Variants in NLRP13 observed in about 807,000 individuals in gnomAD.
The protein encoded by NLRP13 is NLR family pyrin domain containing 13.
A neutral mutation model predicts 94.4 loss-of-function variants in NLRP13; 82 were observed. The ratio of observed to expected loss-of-function variants is 0.87; its 90% CI spans 0.73 to 1.04. NLRP13 has a LOEUF of 1.04. Among genes scored for constraint, NLRP13 ranks in the 50% least tolerant of loss-of-function variants. The pLI is 0.00. For missense variants in NLRP13, 1,426 were observed against 1,230.8 expected, an observed-to-expected ratio of 1.16 and a Z score of -2.37; for synonymous variants, 553 against 464.7, an observed-to-expected ratio of 1.19 and a Z score of -2.45.
Position 55,922,605 on chromosome 19 carries a change from C to T in NLRP13, c.523+1309G>A, listed in dbSNP as rs138412590. ...CCTCCCCAAGTGCTGGGATTACCGG[C>T]GTGAGCCATCATGCCCAGCAGAGTT... is the stretch of plus-strand genomic sequence containing the variant. On this transcript the variant is annotated intron_variant, in intron 4 of 10. Transcript: ENST00000342929. 5.9e-4 allele frequency among the ~76,000 whole-genome samples: 90 copies of T among 152,292 alleles called. No homozygotes were observed. In the East Asian group the frequency reaches 0.015, roughly 25 times the overall value.
Position 55,912,516 on chromosome 19 carries a change from C to T in NLRP13, c.1301G>A (p.Cys434Tyr), listed in dbSNP as rs1423254500. 1 of 1,614,176 alleles carries T rather than the reference C, an allele frequency of 6.2e-7. No homozygotes were observed. The highest frequency in any genetic ancestry group is 1.7e-5 in the Admixed American group (1 of 60,020). The change falls in exon 5 of 11, where the codon TGT (cysteine) becomes TAT (tyrosine). Residue 434 changes from cysteine to tyrosine, a missense_variant. Coordinates refer to ENST00000342929, the MANE Select transcript of NLRP13 (RefSeq NM_176810.2). The part of the protein sequence containing the change: ...APMVCWTVCS[C>Y]LKQPKVRYYD... ...ATACCTCACCTTCGGCTGCTTCAGA[C>T]AGGAACATACGGTCCAACACACCAT...
intron 4 of NLRP13, among the ~76,000 whole-genome samples, chr19:55,915,816 T>A (rs1010498383): frequency 1.3e-5 from 2 of 151,992 alleles, no homozygotes; most frequent in Admixed American, 1.3e-4. Context: ...CAAGCTCCTA[T>A]GCATTTCACA....
At chr19:55,928,760 A>T (rs1345192048) in intron 1 of NLRP13, among the ~76,000 whole-genome samples, 1 of 152,132 alleles carries the variant, frequency 6.6e-6, no homozygotes, top group Non-Finnish European at 1.5e-5. Flanking sequence ...CACCAAAAGC[A>T]TGGCAACAAA....
intron 6 of NLRP13, 150 bp downstream of exon 6, chr19:55,910,413 T>C: frequency 1.5e-6 from 1 of 658,656 alleles, no homozygotes; most frequent in South Asian, 4.5e-5. Flanking sequence ...TTTGCCCAAG[T>C]AGCAGTTTCA....
At chr19:55,919,113 AC>A (rs1986746520) in intron 4 of NLRP13, among the ~76,000 whole-genome samples, 1 of 152,202 alleles carries the variant, frequency 6.6e-6, no homozygotes, top group Non-Finnish European at 1.5e-5. Flanking sequence ...AGAATTAAAA[AC>A]AAAAACTATA....
In NLRP13 at chr19:55,901,934, T is replaced by C. The variant is rs571461505; in HGVS notation, c.2789+101A>G. ...AAGCTCCTCCATGGCAAAGAGCTTG[T>C]CCACGCCTCATTCAAACCCCATCAG... On this transcript the variant is annotated intron_variant, in intron 9 of 10. Transcript: ENST00000342929. 2.6e-5 allele frequency: 32 copies of C among 1,248,676 alleles called. No homozygotes were observed. In the Admixed American group the frequency reaches 5.7e-4, roughly 22 times the overall value. The allele number at this position is 1,248,676 out of a possible 1,614,324, so 77.3% of individuals were successfully genotyped here. A position where few individuals can be genotyped will look rare whatever the true frequency, so the allele number is the denominator to read the frequency against.
chr19:55,893,088 T>G (rs763479727), downstream of NLRP13, among the ~76,000 whole-genome samples: 3 of 152,184 alleles, frequency 2.0e-5, no homozygotes, highest in Non-Finnish European at 4.4e-5. Flanking sequence ...TTGCCATTTT[T>G]GCCATTAAAA....
At position 55,910,650 on chromosome 19, in the gene NLRP13, T is replaced by A; in HGVS notation, c.2195A>T (p.Asp732Val). 2 of 1,613,970 alleles carry A rather than the reference T, an allele frequency of 1.2e-6. No individual in the cohort carries two copies. Among genetic ancestry groups the A allele is most frequent in the East Asian group, 4.5e-5 (2 of 44,884 alleles). ...LVTNENLHEL[D>V]LSNSKLHASS... ...AGCATGAAGTTTGCTGTTACTCAGGTCTAGCTCATGCAGATTCTCATTTGT... is the reference window on the plus strand; with the variant it reads ...AGCATGAAGTTTGCTGTTACTCAGGACTAGCTCATGCAGATTCTCATTTGT... The change falls in exon 6 of 11, where the codon GAC becomes GTC. Residue 732 changes from aspartate (D) to valine (V), a missense_variant. Physicochemically the swap from Asp to Val is radical, Grantham distance 152 (BLOSUM62 -3). Coordinates refer to ENST00000342929, the MANE Select transcript of NLRP13 (RefSeq NM_176810.2).
chr19:55,896,368 A>G (rs1986010380), intron 10 of NLRP13, among the ~76,000 whole-genome samples: 1 of 151,976 alleles, frequency 6.6e-6, no homozygotes, highest in Non-Finnish European at 1.5e-5. Flanking sequence ...ATTAAAATAC[A>G]AAAATTAGCC....
chr19:55,920,044 A>T (rs941498953), intron 4 of NLRP13, among the ~76,000 whole-genome samples: 7 of 152,196 alleles, frequency 4.6e-5, no homozygotes, highest in Non-Finnish European at 8.8e-5. Context: ...CAGCTAGCTG[A>T]TCTTCCGCAA....
At chr19:55,895,093 T>C (rs1202290435), downstream of NLRP13, among the ~76,000 whole-genome samples, 1 of 150,850 alleles carries the variant, frequency 6.6e-6, no homozygotes, top group Non-Finnish European at 1.5e-5. Flanking sequence ...TTTATATTTA[T>C]ATTAAAATAG....
chr19:55,894,833 G>C (rs541078691), downstream of NLRP13, among the ~76,000 whole-genome samples: 3 of 152,102 alleles, frequency 2.0e-5, no homozygotes, highest in Admixed American at 2.0e-4. Flanking sequence ...GGAGTGACAC[G>C]TACAGTAGGT....
intron 2 of NLRP13, 82 bp from the exon 3 acceptor site, chr19:55,924,740 C>A: frequency 8.1e-7 from 1 of 1,240,114 alleles, no homozygotes; most frequent in South Asian, 1.2e-5. Flanking sequence ...CCAGTAGAAC[C>A]AACTTTTTCT....
chr19:55,901,140 A>G (rs886682893), intron 9 of NLRP13, among the ~76,000 whole-genome samples: 1 of 152,230 alleles, frequency 6.6e-6, no homozygotes, highest in African/African-American at 2.4e-5. Context: ...GTTGGAGAGC[A>G]AGCTTGGAGT....
At chr19:55,900,648 C>T (rs1017841546) in intron 9 of NLRP13, among the ~76,000 whole-genome samples, 1 of 151,578 alleles carries the variant, frequency 6.6e-6, no homozygotes, top group African/African-American at 2.4e-5. Context: ...TGGTGGCGGG[C>T]ACCCGTAGTC....
downstream of NLRP13, among the ~76,000 whole-genome samples, chr19:55,892,427 A>G (rs1985882171): frequency 6.6e-6 from 1 of 150,722 alleles, no homozygotes; most frequent in Non-Finnish European, 1.5e-5. Context: ...ACATACACAT[A>G]TACGTATTGT....
At chr19:55,905,912 C>T (rs746376302) in intron 7 of NLRP13, among the ~76,000 whole-genome samples, 1 of 152,130 alleles carries the variant, frequency 6.6e-6, no homozygotes, top group African/African-American at 2.4e-5. Context: ...TTAATAGAAT[C>T]CAGTTGAAAA....
At position 55,912,046 on chromosome 19, in the gene NLRP13, G is replaced by A. The variant is rs747557326; in HGVS notation, c.1771C>T (p.Leu591Phe). The A allele has an allele frequency of 3.7e-6, 6 of 1,614,114 alleles. No homozygotes were observed. In the Admixed American group the frequency reaches 8.3e-5, roughly 22 times the overall value. Residue 591 changes from leucine to phenylalanine, a missense_variant, in exon 5 of 11, where the codon CTT becomes TTT. By Grantham distance (22) the Leu-to-Phe change is conservative (BLOSUM62 0). Transcript: ENST00000342929. ...WTPVVLFFFGLLNKNIARELE... is the reference protein window; with the variant it reads ...WTPVVLFFFGFLNKNIARELE... ...TCTCTTGCTATGTTTTTATTTAAAA[G>A]ACCAAAGAAGAACAGAACCACTGGA...
chr19:55,918,763 T>G (rs954357033), intron 4 of NLRP13, among the ~76,000 whole-genome samples: 3 of 152,102 alleles, frequency 2.0e-5, no homozygotes, highest in African/African-American at 7.2e-5. Context: ...CAGTACCAGA[T>G]GTATTTCACA....
Sources: gnomAD v4.1 joint callset for allele counts (sites outside exome capture counted in the v4.1 genomes callset) on GRCh38, gnomAD v4.1.1 for gene constraint, MANE v1.5 for transcripts, NCBI Gene and HGNC (gene_info 2026-07-23, HGNC 2026-07-21) for gene names.